TAS2R1: variants seen among roughly 807,000 people sequenced by gnomAD.
The protein encoded by TAS2R1 is taste receptor type 2 member 1.
For synonymous variants in TAS2R1, 141 were observed against 134.2 expected (o/e 1.05, Z -0.35); for missense variants, 370 against 353.4 (o/e 1.05, Z -0.38).
At chr5:9,810,681 T>C in the TAS2R1 span, among the ~76,000 whole-genome samples, 3 of 152,090 alleles carry the variant, frequency 2.0e-5, no homozygotes, top group Non-Finnish European at 4.4e-5. Context: ...GAGGTGCTAA[T>C]ATCTGGAAAA....
chr5:9,750,172 C>T, the TAS2R1 span, among the ~76,000 whole-genome samples: 2 of 152,182 alleles, frequency 1.3e-5, no homozygotes, highest in Non-Finnish European at 2.9e-5. Flanking sequence ...TCACAGTGGC[C>T]TGGCTGCACC....
chr5:9,769,777 T>C, the TAS2R1 span, among the ~76,000 whole-genome samples: 1 of 152,172 alleles, frequency 6.6e-6, no homozygotes, highest in South Asian at 2.1e-4. Flanking sequence ...TTTTTTTGTA[T>C]AGAGTTGTTT....
At chr5:9,816,250 G>C in the TAS2R1 span, among the ~76,000 whole-genome samples, 1 of 151,994 alleles carries the variant, frequency 6.6e-6, no homozygotes, top group Non-Finnish European at 1.5e-5. Context: ...ATGCTATTAA[G>C]TCTTAACCCT....
the TAS2R1 span, among the ~76,000 whole-genome samples, chr5:9,755,395 C>T: frequency 6.6e-6 from 1 of 151,888 alleles, no homozygotes; most frequent in African/African-American, 2.4e-5. Context: ...TGGGACCAGC[C>T]TGGGCAACAT....
At chr5:9,834,544 T>C in the TAS2R1 span, among the ~76,000 whole-genome samples, 12 of 151,984 alleles carry the variant, frequency 7.9e-5, 1 homozygote, top group Admixed American at 7.9e-4. Context: ...GGAGAAAAGT[T>C]TGTAGAATGA....
chr5:9,849,989 A>T, the TAS2R1 span, among the ~76,000 whole-genome samples: 1 of 152,038 alleles, frequency 6.6e-6, no homozygotes, highest in South Asian at 2.1e-4. Flanking sequence ...TCTTTCATTT[A>T]TCTCACAGTT....
the TAS2R1 span, among the ~76,000 whole-genome samples, chr5:9,822,081 G>T: frequency 6.6e-6 from 1 of 152,168 alleles, no homozygotes; most frequent in East Asian, 1.9e-4. Context: ...ATTTTTGTGA[G>T]ATTGGCTTCG....
the TAS2R1 span, among the ~76,000 whole-genome samples, chr5:9,736,856 G>A: frequency 6.6e-6 from 1 of 152,274 alleles, no homozygotes; most frequent in African/African-American, 2.4e-5. Flanking sequence ...CTGTCACCCT[G>A]GATGGGAACT....
chr5:9,690,972 C>A (rs961476993), intron 1 of TAS2R1, among the ~76,000 whole-genome samples: 1 of 152,172 alleles, frequency 6.6e-6, no homozygotes, highest in Non-Finnish European at 1.5e-5. Flanking sequence ...AGGCCTCACT[C>A]GACAAAGTGT....
At chr5:9,705,140 A>C (rs1561384242) in intron 1 of TAS2R1, among the ~76,000 whole-genome samples, 3 of 152,208 alleles carry the variant, frequency 2.0e-5, no homozygotes, top group Non-Finnish European at 4.4e-5. Context: ...CGCAAAAAAA[A>C]AATCCCACAA....
chr5:9,836,260 A>G, the TAS2R1 span, among the ~76,000 whole-genome samples: 2 of 152,052 alleles, frequency 1.3e-5, no homozygotes, highest in Non-Finnish European at 2.9e-5. Context: ...AGTCTTGGGT[A>G]TGTCTTTACC....
intron 1 of TAS2R1, among the ~76,000 whole-genome samples, chr5:9,688,972 T>C (rs1262276077): frequency 2.6e-5 from 4 of 152,094 alleles, no homozygotes; most frequent in Non-Finnish European, 5.9e-5. Flanking sequence ...GAAGAAGTGC[T>C]AGGCAGAGAC....
the TAS2R1 span, among the ~76,000 whole-genome samples, chr5:9,819,010 G>C: frequency 6.6e-6 from 1 of 152,226 alleles, no homozygotes; most frequent in Non-Finnish European, 1.5e-5. Flanking sequence ...AAGAGGAAGA[G>C]TTCTCACTGA....
At chr5:9,810,614 T>C in the TAS2R1 span, among the ~76,000 whole-genome samples, 1 of 152,060 alleles carries the variant, frequency 6.6e-6, no homozygotes, top group South Asian at 2.1e-4. Flanking sequence ...ACAAGAGAAC[T>C]GCTAGAGGGA....
At position 9,630,143 on chromosome 5, in the gene TAS2R1, T is replaced by C; in HGVS notation, c.-111A>G. The C allele has an allele frequency of 1.1e-6, 1 of 910,748 alleles. No individual in the cohort carries two copies. The highest frequency in any genetic ancestry group is 1.6e-6 in the Non-Finnish European group (1 of 623,052). 56.4% of individuals were successfully genotyped at this position (910,748 alleles called of 1,614,324 possible). On this transcript the variant is annotated 5_prime_UTR_variant, in exon 1 of 1. Coordinates refer to ENST00000382492, the MANE Select transcript of TAS2R1 (RefSeq NM_019599.3). ...TCAGGACTCCTCTGGGGAAGAAGAC[T>C]AACAATAAAGGCATGGGGCAGGAAG...
intron 1 of TAS2R1, among the ~76,000 whole-genome samples, chr5:9,706,485 T>C (rs1429168581): frequency 6.6e-6 from 1 of 152,236 alleles, no homozygotes; most frequent in African/African-American, 2.4e-5. Flanking sequence ...TGTCCTATTC[T>C]GAGCAAAACT....
the TAS2R1 span, among the ~76,000 whole-genome samples, chr5:9,899,889 C>A: frequency 6.6e-6 from 1 of 152,112 alleles, no homozygotes; most frequent in Non-Finnish European, 1.5e-5. Context: ...TGGTTCCCAG[C>A]CTGTGGTCCG....
chr5:9,752,852 T>A, the TAS2R1 span, among the ~76,000 whole-genome samples: 1 of 152,196 alleles, frequency 6.6e-6, no homozygotes, highest in Admixed American at 6.5e-5. Context: ...TCCAGCTTCA[T>A]CCATGTCCCT....
chr5:9,758,172 G>C, the TAS2R1 span, among the ~76,000 whole-genome samples: 2 of 152,078 alleles, frequency 1.3e-5, no homozygotes, highest in Non-Finnish European at 2.9e-5. Context: ...AAGAATATTT[G>C]ATTTACTTAG....
Sources: gnomAD v4.1 joint callset for allele counts (sites outside exome capture counted in the v4.1 genomes callset) on GRCh38, gnomAD v4.1.1 for gene constraint, MANE v1.5 for transcripts, NCBI Gene and HGNC (gene_info 2026-07-23, HGNC 2026-07-21) for gene names.